The following CLEC16A variants were observed in gnomAD, a reference collection of about 807,000 sequenced individuals.
The protein encoded by CLEC16A is protein CLEC16A.
A neutral mutation model predicts 109.5 loss-of-function variants in CLEC16A; 51 were observed. The ratio of observed to expected loss-of-function variants is 0.47; its 90% CI spans 0.37 to 0.59. The LOEUF (loss-of-function observed/expected upper bound fraction) is 0.59, where lower values mean the gene tolerates loss of function less well. Ranked by LOEUF, CLEC16A falls within the 20% of genes least tolerant of loss-of-function variation. The pLI is 0.00. For synonymous variants in CLEC16A, 673 were observed against 564.2 expected, an observed-to-expected ratio of 1.19 and a Z score of -2.73; for missense variants, 1,339 against 1,394.0, an observed-to-expected ratio of 0.96 and a Z score of 0.63.
At chr16:10,949,675 T>G (rs1043940221) in intron 1 of CLEC16A, among the ~76,000 whole-genome samples, 3 of 152,098 alleles carry the variant, frequency 2.0e-5, no homozygotes, top group Admixed American at 1.3e-4. Context: ...GTGAGAACAG[T>G]AGGGAGCCAC....
At position 11,003,473 on chromosome 16, in the gene CLEC16A, C is replaced by T. The variant is rs116284494; in HGVS notation, c.1303+168C>T. 8.1e-3 allele frequency among the ~76,000 whole-genome samples: 1,232 copies of T among 152,294 alleles called. 8 individuals are homozygous for T. Among genetic ancestry groups the T allele is most frequent in the African/African-American group, 0.027 (1,130 of 41,556 alleles). On this transcript the variant is annotated intron_variant, in intron 11 of 23. Transcript: ENST00000409790. The stretch of plus-strand genomic sequence containing the variant: ...CCTCATTCTATACAGCCCTGCCACT[C>T]GGAGGCTGCTGTAGGTGTATGTCAT...
chr16:10,944,816 G>T lies in CLEC16A; in HGVS notation c.80+19G>T. On this transcript the variant is annotated intron_variant, in intron 1 of 23. Coordinates refer to ENST00000409790, the MANE Select transcript of CLEC16A (RefSeq NM_015226.3). ...ACCTCAAGTGAGTGTGGGGGGCGTA[G>T]CGGGAGGCCTCGGGGCTGGACAGGG... The T allele has an allele frequency of 6.3e-7, 1 of 1,590,558 alleles. No individual in the cohort carries two copies. Among genetic ancestry groups the T allele is most frequent in the Non-Finnish European group, 8.6e-7 (1 of 1,166,654 alleles).
intron 21 of CLEC16A, among the ~76,000 whole-genome samples, chr16:11,125,713 G>C (rs945831019): frequency 6.6e-6 from 1 of 152,138 alleles, no homozygotes; most frequent in Non-Finnish European, 1.5e-5. Context: ...CATTCCACTC[G>C]AGGAGCCCAG....
At chr16:11,103,366 G>T (rs1007432611) in intron 19 of CLEC16A, among the ~76,000 whole-genome samples, 1 of 152,188 alleles carries the variant, frequency 6.6e-6, no homozygotes, top group East Asian at 1.9e-4. Context: ...GATCACCTGA[G>T]ATCAGGGGTT....
chr16:11,094,432 G>C (rs1021394607), intron 19 of CLEC16A, among the ~76,000 whole-genome samples: 9 of 152,236 alleles, frequency 5.9e-5, no homozygotes. Context: ...GGAGGAGGCA[G>C]AAGTGCTCTT....
At chr16:10,980,883 A>G (rs1002607285) in intron 9 of CLEC16A, among the ~76,000 whole-genome samples, 8 of 152,234 alleles carry the variant, frequency 5.3e-5, no homozygotes, top group African/African-American at 7.2e-5. Context: ...AAATCATTGC[A>G]TACTTGCAAA....
At chr16:11,051,969 G>T (rs1035133647) in intron 18 of CLEC16A, among the ~76,000 whole-genome samples, 1 of 152,198 alleles carries the variant, frequency 6.6e-6, no homozygotes, top group African/African-American at 2.4e-5. Flanking sequence ...GGTGAGCACG[G>T]TACATCCAGT....
intron 13 of CLEC16A, among the ~76,000 whole-genome samples, chr16:11,028,661 C>T (rs977004030): frequency 1.3e-5 from 2 of 151,794 alleles, no homozygotes; most frequent in African/African-American, 4.8e-5. Flanking sequence ...AAAATTAACT[C>T]ATTTTTGTAT....
Position 11,024,930 on chromosome 16 carries a change from C to A in CLEC16A, c.1537+9C>A, listed in dbSNP as rs199608595. The A allele has an allele frequency of 6.3e-7, 1 of 1,580,942 alleles. No homozygotes were observed. Among genetic ancestry groups the A allele is most frequent in the Admixed American group, 1.7e-5 (1 of 57,384 alleles). On this transcript the variant is annotated intron_variant, in intron 13 of 23. Coordinates refer to ENST00000409790, the MANE Select transcript of CLEC16A (RefSeq NM_015226.3). The stretch of plus-strand genomic sequence containing the variant: ...CATGTCTCATAATAAAGGTAAGCAC[C>A]CTTGCCTTGCCTGACTTCCTTGCTG...
intron 19 of CLEC16A, among the ~76,000 whole-genome samples, chr16:11,082,993 G>C (rs556147457): frequency 1.4e-4 from 21 of 152,258 alleles, no homozygotes; most frequent in African/African-American, 5.1e-4. Context: ...CCCAGCCCCT[G>C]CAACAACACT....
At chr16:11,121,879 C>CA (rs536067685) in intron 20 of CLEC16A, among the ~76,000 whole-genome samples, 12,272 of 29,710 alleles carry the variant, frequency 0.41, 3,630 homozygotes, top group Non-Finnish European at 0.45. Context: ...GACCCTGTCT[C>CA]AAAAAAAAAA....
chr16:11,128,874 C>T (rs2053007990), intron 22 of CLEC16A, among the ~76,000 whole-genome samples: 1 of 152,182 alleles, frequency 6.6e-6, no homozygotes, highest in Non-Finnish European at 1.5e-5. Context: ...CAACAGAAGC[C>T]TTCTCAGGAT....
At chr16:11,172,195 C>G (rs1313538796) in intron 23 of CLEC16A, among the ~76,000 whole-genome samples, 1 of 152,210 alleles carries the variant, frequency 6.6e-6, no homozygotes, top group East Asian at 1.9e-4. Flanking sequence ...TACATAGTCA[C>G]ACTCACATAC....
chr16:11,048,595 C>T (rs1009605294), intron 17 of CLEC16A: 4 of 152,142 alleles, frequency 2.6e-5, no homozygotes, highest in African/African-American at 7.2e-5. Flanking sequence ...GGGCCCTCAC[C>T]ACGTCCTTTG....
At chr16:11,036,442 T>C (rs1004676186) in intron 13 of CLEC16A, among the ~76,000 whole-genome samples, 2 of 152,260 alleles carry the variant, frequency 1.3e-5, no homozygotes, top group Admixed American at 1.3e-4. Flanking sequence ...GCTCGCCCCC[T>C]GAGAGGGGCC....
intron 22 of CLEC16A, among the ~76,000 whole-genome samples, chr16:11,155,368 C>T (rs76058340): frequency 3.6e-4 from 55 of 152,202 alleles, no homozygotes; most frequent in Non-Finnish European, 6.3e-4. Flanking sequence ...CCCAGAGCCA[C>T]GGCACTCTCC....
chr16:11,027,980 C>T (rs2046514562), intron 13 of CLEC16A, among the ~76,000 whole-genome samples: 1 of 152,192 alleles, frequency 6.6e-6, no homozygotes, highest in African/African-American at 2.4e-5. Flanking sequence ...GTGGGCAGAT[C>T]ACTTGAGGTT....
intron 13 of CLEC16A, among the ~76,000 whole-genome samples, chr16:11,034,552 G>C (rs2046917761): frequency 6.6e-6 from 1 of 152,146 alleles, no homozygotes; most frequent in Non-Finnish European, 1.5e-5. Flanking sequence ...TGGATTCTTT[G>C]AATGAGTTAG....
intron 19 of CLEC16A, among the ~76,000 whole-genome samples, chr16:11,068,038 C>G (rs897824562): frequency 1.3e-5 from 2 of 152,174 alleles, no homozygotes; most frequent in Non-Finnish European, 2.9e-5. Context: ...GTTTCCAGGC[C>G]AGGACTTGCC....
Sources: allele counts gnomAD v4.1 joint callset (sites outside exome capture counted in the v4.1 genomes callset), GRCh38; gene constraint gnomAD v4.1.1; transcripts MANE v1.5; gene names NCBI Gene and HGNC (gene_info 2026-07-23, HGNC 2026-07-21).